DLG2: variants seen among roughly 807,000 people sequenced by gnomAD.
The protein encoded by DLG2 is discs large MAGUK scaffold protein 2.
A neutral mutation model predicts 132.5 loss-of-function variants in DLG2; 45 were observed. The observed-to-expected ratio is 0.34, with a 90% confidence interval of 0.27 to 0.44. The LOEUF is 0.44. Ranked by LOEUF, DLG2 falls within the 20% of genes least tolerant of loss-of-function variation. The pLI is 1.00. For missense variants in DLG2, 1,045 were observed against 1,196.9 expected, an observed-to-expected ratio of 0.87 and a Z score of 1.87; for synonymous variants, 424 against 419.6, an observed-to-expected ratio of 1.01 and a Z score of -0.13.
intron 18 of DLG2, among the ~76,000 whole-genome samples, chr11:83,684,092 A>G (rs1424716107): frequency 6.6e-6 from 1 of 152,114 alleles, no homozygotes; most frequent in Non-Finnish European, 1.5e-5. Flanking sequence ...GAACTTTTAT[A>G]TGTAACTATA....
chr11:84,044,453 G>T (rs1945803), intron 11 of DLG2, among the ~76,000 whole-genome samples: 1 of 151,486 alleles, frequency 6.6e-6, no homozygotes, highest in Non-Finnish European at 1.5e-5. Context: ...GTTTTCCCAC[G>T]CCAAGTTACA....
At chr11:85,013,854 A>G (rs1338230725) in intron 6 of DLG2, among the ~76,000 whole-genome samples, 1 of 152,164 alleles carries the variant, frequency 6.6e-6, no homozygotes, top group Admixed American at 6.5e-5. Context: ...TTATAGCAAA[A>G]TGGTTATTTT....
chr11:85,089,584 T>A (rs2068447277), intron 6 of DLG2, among the ~76,000 whole-genome samples: 1 of 152,202 alleles, frequency 6.6e-6, no homozygotes, highest in African/African-American at 2.4e-5. Flanking sequence ...AGTACTGTAA[T>A]GAACATACAA....
chr11:85,277,047 A>T (rs1304710856), intron 4 of DLG2, among the ~76,000 whole-genome samples: 1 of 152,198 alleles, frequency 6.6e-6, no homozygotes, highest in Non-Finnish European at 1.5e-5. Context: ...TCCAGATGAA[A>T]ACAAAGGGAA....
At chr11:83,609,336 T>TC (rs1459313464) in intron 19 of DLG2, among the ~76,000 whole-genome samples, 1 of 152,194 alleles carries the variant, frequency 6.6e-6, no homozygotes, top group Non-Finnish European at 1.5e-5. Context: ...CAGCAGGGCT[T>TC]CATATGCTGT....
chr11:84,217,922 C>T (rs917745776), intron 8 of DLG2, among the ~76,000 whole-genome samples: 4 of 152,118 alleles, frequency 2.6e-5, no homozygotes, highest in African/African-American at 7.2e-5. Context: ...AATCCCAGCA[C>T]TTTAGGAGGC....
intron 8 of DLG2, among the ~76,000 whole-genome samples, chr11:84,186,323 C>T (rs1460380765): frequency 6.6e-6 from 1 of 151,650 alleles, no homozygotes; most frequent in Non-Finnish European, 1.5e-5. Flanking sequence ...TAATGTTGTC[C>T]CACAGGTTTC....
At chr11:84,178,493 C>G (rs2096031138) in intron 8 of DLG2, among the ~76,000 whole-genome samples, 1 of 152,102 alleles carries the variant, frequency 6.6e-6, no homozygotes, top group Admixed American at 6.6e-5. Context: ...AATGTGAGAC[C>G]TTGCACACAT....
chr11:83,480,751 G>A (rs1169555598), intron 22 of DLG2: 11 of 823,620 alleles, frequency 1.3e-5, no homozygotes, highest in Non-Finnish European at 2.1e-5. Flanking sequence ...ACAATGACTA[G>A]TATGTCTTGA....
At chr11:85,515,817 G>A (rs887369395) in intron 3 of DLG2, among the ~76,000 whole-genome samples, 1 of 151,934 alleles carries the variant, frequency 6.6e-6, no homozygotes, top group Non-Finnish European at 1.5e-5. Context: ...GAGAATACAG[G>A]ATTTGAAGAT....
In DLG2 at chr11:83,532,764, C is replaced by A; in HGVS notation, c.2137G>T (p.Ala713Ser). 1 of 1,612,638 alleles carries A rather than the reference C, an allele frequency of 6.2e-7. No individual in the cohort carries two copies. The highest frequency in any genetic ancestry group is 8.5e-7 in the Non-Finnish European group (1 of 1,179,208). Reference protein sequence around the residue: ...SKRRVERKERARLKTVKFNAK... With the variant: ...SKRRVERKERSRLKTVKFNAK... ...TTAAACTTCACTGTCTTCAATCGGG[C>A]ACGTTCCTTTCTTTCCACCCTAAAG... The change falls in exon 21 of 28, where the codon GCC becomes TCC. Residue 713 changes from alanine to serine, a missense_variant. Physicochemically the swap from Ala to Ser is moderately conservative, Grantham distance 99. Around this residue, in one of 4 missense-constraint regions of DLG2, gnomAD observed 398 missense variants for 543.6 expected, o/e 0.73. Transcript: ENST00000376104.
intron 21 of DLG2, among the ~76,000 whole-genome samples, chr11:83,521,002 T>A (rs1027937392): frequency 2.0e-5 from 3 of 152,216 alleles, no homozygotes; most frequent in African/African-American, 7.2e-5. Context: ...TCCAAATGTT[T>A]GCCAGACCAT....
intron 11 of DLG2, among the ~76,000 whole-genome samples, chr11:83,998,045 A>G (rs1457120477): frequency 6.6e-6 from 1 of 151,954 alleles, no homozygotes; most frequent in Non-Finnish European, 1.5e-5. Flanking sequence ...TGAGGCATGA[A>G]GAATCACTTG....
intron 6 of DLG2, among the ~76,000 whole-genome samples, chr11:84,974,682 T>C (rs1343731022): frequency 2.0e-5 from 3 of 152,196 alleles, no homozygotes; most frequent in Non-Finnish European, 2.9e-5. Flanking sequence ...TGTCTAGTTC[T>C]TCAAGTGCAT....
At chr11:85,075,735 TAC>T (rs887504418) in intron 6 of DLG2, among the ~76,000 whole-genome samples, 10 of 151,892 alleles carry the variant, frequency 6.6e-5, no homozygotes, top group Non-Finnish European at 8.8e-5. Context: ...GGTATGTGCA[TAC>T]ACTCTTACAC....
intron 18 of DLG2, among the ~76,000 whole-genome samples, chr11:83,652,494 C>T (rs1027613469): frequency 1.3e-5 from 2 of 152,114 alleles, no homozygotes; most frequent in Admixed American, 6.6e-5. Flanking sequence ...CCAAAGCCTC[C>T]CAAGTAGCTG....
chr11:84,105,071 A>G (rs2092807876), intron 9 of DLG2, among the ~76,000 whole-genome samples: 1 of 152,160 alleles, frequency 6.6e-6, no homozygotes, highest in African/African-American at 2.4e-5. Flanking sequence ...TCTTTCCATT[A>G]TATCACATTG....
intron 17 of DLG2, among the ~76,000 whole-genome samples, chr11:83,820,466 C>T (rs2050452279): frequency 6.6e-6 from 1 of 152,146 alleles, no homozygotes; most frequent in Admixed American, 6.6e-5. Context: ...TCAATGCTAT[C>T]AGCCACATTA....
chr11:84,118,125 G>A (rs576300429), intron 9 of DLG2, among the ~76,000 whole-genome samples: 1 of 152,128 alleles, frequency 6.6e-6, no homozygotes, highest in African/African-American at 2.4e-5. Flanking sequence ...CCAAAGTGCT[G>A]GGATTACAAG....
Sources: gnomAD v4.1 joint callset for allele counts (sites outside exome capture counted in the v4.1 genomes callset) on GRCh38, gnomAD v4.1.1 for gene constraint, gnomAD v4.1.1 regional missense constraint, MANE v1.5 for transcripts, NCBI Gene and HGNC (gene_info 2026-07-23, HGNC 2026-07-21) for gene names.